Variants in SOX5 observed in about 807,000 individuals in gnomAD.
The protein encoded by SOX5 is transcription factor SOX-5.
In SOX5, 9 loss-of-function variants were observed where a neutral mutation model predicts 92.0. The ratio of observed to expected loss-of-function variants is 0.10; its 90% CI spans 0.06 to 0.17. SOX5 has a LOEUF of 0.17. SOX5 is among the 10% of genes least tolerant of loss of function. The probability of loss-of-function intolerance (pLI) is 1.00; values close to 1 mark genes in which losing one functional copy is unlikely to be tolerated. For missense variants in SOX5, 642 were observed against 944.5 expected (o/e 0.68, Z 4.20); for synonymous variants, 344 against 336.3 (o/e 1.02, Z -0.25).
intron 4 of SOX5, among the ~76,000 whole-genome samples, chr12:23,959,230 G>T (rs923012138): frequency 1.3e-5 from 2 of 151,726 alleles, no homozygotes; most frequent in African/African-American, 4.8e-5. Context: ...GAAAAAGAAT[G>T]AGGGCTTAAT....
chr12:24,022,512 T>C (rs1472414095), intron 4 of SOX5, among the ~76,000 whole-genome samples: 2 of 152,136 alleles, frequency 1.3e-5, no homozygotes, highest in African/African-American at 4.8e-5. Context: ...GTAGTCAAGA[T>C]ACAATCAGAA....
chr12:23,797,100 T>C (rs1358634593), intron 3 of SOX5, among the ~76,000 whole-genome samples: 1 of 151,824 alleles, frequency 6.6e-6, no homozygotes, highest in East Asian at 1.9e-4. Context: ...TTAACACTAA[T>C]ACACTTTATC....
At chr12:24,052,428 A>G (rs893573410) in intron 4 of SOX5, among the ~76,000 whole-genome samples, 1 of 152,196 alleles carries the variant, frequency 6.6e-6, no homozygotes, top group African/African-American at 2.4e-5. Flanking sequence ...ATAGTTTTTA[A>G]TATTAAACTT....
At position 24,424,808 on chromosome 12, in the gene SOX5, T is replaced by TG. The variant is rs60026658; in HGVS notation, c.-250-56170dup. ...CTCTTTTCTTTGTGAGTTTTTTTTT[T>TG]GGGGGGGGGGGATGGCTGTTTTTCC... is the stretch of plus-strand genomic sequence containing the variant. On this transcript the variant is annotated intron_variant, in intron 1 of 4. Coordinates refer to the SOX5 transcript ENST00000446891. Among the ~76,000 whole-genome samples, 182 of 138,434 alleles carry TG rather than the reference T, an allele frequency of 1.3e-3. 4 individuals are homozygous for TG. Among genetic ancestry groups the TG allele is most frequent in the African/African-American group, 2.4e-3 (88 of 36,630 alleles). The allele number at this position is 138,434 out of a possible 152,430, so 90.8% of individuals were successfully genotyped here.
At chr12:24,004,828 T>C (rs1951982167) in intron 4 of SOX5, among the ~76,000 whole-genome samples, 1 of 152,108 alleles carries the variant, frequency 6.6e-6, no homozygotes, top group Non-Finnish European at 1.5e-5. Flanking sequence ...ATAGCAGCAT[T>C]AGTCACAATA....
At chr12:24,520,108 A>T (rs1950138950) in intron 1 of SOX5, among the ~76,000 whole-genome samples, 1 of 152,004 alleles carries the variant, frequency 6.6e-6, no homozygotes, top group African/African-American at 2.4e-5. Flanking sequence ...TCAAGCAGAG[A>T]TAAAAAGACT....
chr12:23,885,449 T>C (rs1242252104), intron 2 of SOX5, among the ~76,000 whole-genome samples: 2 of 152,190 alleles, frequency 1.3e-5, no homozygotes, highest in African/African-American at 4.8e-5. Flanking sequence ...TTGTTTTATC[T>C]CAAGACAGGC....
chr12:23,687,801 T>C (rs1463306249), intron 6 of SOX5, among the ~76,000 whole-genome samples: 1 of 151,932 alleles, frequency 6.6e-6, no homozygotes, highest in Non-Finnish European at 1.5e-5. Flanking sequence ...CATATGACCA[T>C]CTCTACAATG....
intron 9 of SOX5, among the ~76,000 whole-genome samples, chr12:23,579,898 T>C (rs1269242789): frequency 6.6e-6 from 1 of 152,112 alleles, no homozygotes; most frequent in Non-Finnish European, 1.5e-5. Context: ...TTCCTGTTAA[T>C]TACTTGCCTA....
At chr12:24,323,098 A>G (rs542763301) in intron 2 of SOX5, among the ~76,000 whole-genome samples, 3 of 152,056 alleles carry the variant, frequency 2.0e-5, no homozygotes, top group Non-Finnish European at 4.4e-5. Context: ...GAAATGCATA[A>G]TCACAGAACC....
chr12:23,639,108 T>A (rs944053267), intron 8 of SOX5, among the ~76,000 whole-genome samples: 1 of 152,106 alleles, frequency 6.6e-6, no homozygotes. Context: ...AGAACATATA[T>A]GTTTGGTGTC....
rs563334486 is a variant in SOX5, at chr12:23,774,143, T to C, written c.482-18419A>G. On this transcript the variant is annotated intron_variant, in intron 3 of 14. Coordinates refer to ENST00000451604, the MANE Select transcript of SOX5 (RefSeq NM_006940.6). ...GCTTAATAGGGGATAGCTGCTATCATCTTCATCAATATCATCATGTTACCT... is the reference window on the plus strand; with the variant it reads ...GCTTAATAGGGGATAGCTGCTATCACCTTCATCAATATCATCATGTTACCT... Among the ~76,000 whole-genome samples, 24 of 152,312 alleles carry C rather than the reference T, an allele frequency of 1.6e-4. No individual in the cohort carries two copies. The East Asian group carries it at 2.9e-3, about 18-fold the overall frequency.
chr12:23,906,750 T>G (rs1009401380), intron 1 of SOX5, among the ~76,000 whole-genome samples: 9 of 152,166 alleles, frequency 5.9e-5, no homozygotes, highest in African/African-American at 1.7e-4. Flanking sequence ...AAGCCCCATA[T>G]TTAATATAAG....
At chr12:23,618,117 A>G (rs933199897) in intron 8 of SOX5, among the ~76,000 whole-genome samples, 2 of 152,342 alleles carry the variant, frequency 1.3e-5, no homozygotes, top group Admixed American at 6.5e-5. Context: ...CAAGGTAAGA[A>G]GGACACTGGC....
chr12:23,653,523 G>T (rs2081949827), intron 7 of SOX5, among the ~76,000 whole-genome samples: 2 of 151,916 alleles, frequency 1.3e-5, no homozygotes, highest in African/African-American at 4.8e-5. Context: ...TGTCTGTTCG[G>T]GCTGATACAA....
intron 4 of SOX5, among the ~76,000 whole-genome samples, chr12:24,194,660 A>G (rs1402553117): frequency 6.6e-6 from 1 of 152,194 alleles, no homozygotes; most frequent in African/African-American, 2.4e-5. Context: ...ACAAAGACTC[A>G]TCCTACTGTT....
chr12:23,572,813 C>T (rs111695568), intron 10 of SOX5, among the ~76,000 whole-genome samples: 1 of 152,154 alleles, frequency 6.6e-6, no homozygotes, highest in Non-Finnish European at 1.5e-5. Flanking sequence ...TGGAGTTAGA[C>T]TATAAGATGA....
chr12:23,798,026 G>A (rs2095596349), intron 3 of SOX5, among the ~76,000 whole-genome samples: 1 of 151,608 alleles, frequency 6.6e-6, no homozygotes, highest in African/African-American at 2.4e-5. Flanking sequence ...CAAGTCTTTT[G>A]TTCAAATGTC....
chr12:23,739,401 T>G (rs764454272), intron 5 of SOX5, among the ~76,000 whole-genome samples: 4 of 152,178 alleles, frequency 2.6e-5, no homozygotes, highest in African/African-American at 9.7e-5. Context: ...TAAAACACCA[T>G]AGAAGCCTTA....
Sources: allele counts gnomAD v4.1 joint callset (sites outside exome capture counted in the v4.1 genomes callset), GRCh38; gene constraint gnomAD v4.1.1; transcripts MANE v1.5; gene names NCBI Gene and HGNC (gene_info 2026-07-23, HGNC 2026-07-21).